Variants in SEC61B observed in about 807,000 individuals in gnomAD.
SEC61B encodes SEC61 translocon subunit beta.
SEC61B carries 7 observed loss-of-function variants against 12.6 expected under a neutral mutation model. The ratio of observed to expected loss-of-function variants is 0.55; its 90% CI spans 0.32 to 1.04. The LOEUF (loss-of-function observed/expected upper bound fraction) is 1.04, where lower values mean the gene tolerates loss of function less well. SEC61B is among the 50% of genes least tolerant of loss of function. The pLI, the probability that SEC61B is intolerant of heterozygous loss-of-function variation, is 0.05. For missense variants in SEC61B, 107 were observed against 130.1 expected (o/e 0.82, Z 0.86); for synonymous variants, 54 against 50.1 (o/e 1.08, Z -0.33).
intron 1 of SEC61B, 88 bp from the exon 2 acceptor site, chr9:99,222,458 C>A: frequency 1.2e-6 from 2 of 1,604,306 alleles, no homozygotes; most frequent in Non-Finnish European, 1.7e-6. Context: ...TCCCTTGCTT[C>A]CCCCAGCCTC....
At chr9:99,226,558 C>T (rs1214135093) in intron 2 of SEC61B, among the ~76,000 whole-genome samples, 2 of 152,162 alleles carry the variant, frequency 1.3e-5, no homozygotes, top group Non-Finnish European at 2.9e-5. Flanking sequence ...AGATAGGCTT[C>T]CCCTCTCCTC....
At chr9:99,222,405 G>T in intron 1 of SEC61B, 39 bp downstream of exon 1, 1 of 1,614,062 alleles carries the variant, frequency 6.2e-7, no homozygotes, top group South Asian at 1.1e-5. Context: ...TCTCCCAGAA[G>T]CCCTGACTCC....
rs747974338 is a variant in SEC61B, at chr9:99,222,561, A to G, written c.19A>G (p.Ser7Gly). ...CCCTCTACAGCCTGGTCCGACCCCC[A>G]GTGGCACTAACGTGGGATCCTCAGG... The part of the protein sequence containing the change: MPGPTP[S>G]GTNVGSSGRS... Residue 7 changes from serine to glycine, a missense_variant, in exon 2 of 4, where the codon AGT becomes GGT. Transcript: ENST00000223641. The G allele has an allele frequency of 1.3e-6, 2 of 1,576,894 alleles. No homozygotes were observed. The highest frequency in any genetic ancestry group is 1.7e-4 in the Middle Eastern group (1 of 6,024).
chr9:99,223,910 A>T (rs1828866782), intron 2 of SEC61B, among the ~76,000 whole-genome samples: 1 of 152,208 alleles, frequency 6.6e-6, no homozygotes, highest in Admixed American at 6.5e-5. Flanking sequence ...TCATATCATT[A>T]TAAGACCAGT....
chr9:99,225,325 G>T (rs1405733113), intron 2 of SEC61B, among the ~76,000 whole-genome samples: 1 of 152,184 alleles, frequency 6.6e-6, no homozygotes, highest in Non-Finnish European at 1.5e-5. Flanking sequence ...TGGGGATAGG[G>T]CAAAGGTAGG....
At chr9:99,225,788 C>T (rs886105288) in intron 2 of SEC61B, among the ~76,000 whole-genome samples, 9 of 152,196 alleles carry the variant, frequency 5.9e-5, no homozygotes, top group Admixed American at 3.9e-4. Flanking sequence ...AGAAGCCAGC[C>T]TGACTCCTCT....
At chr9:99,226,329 A>G (rs1192313206) in intron 2 of SEC61B, among the ~76,000 whole-genome samples, 1 of 152,172 alleles carries the variant, frequency 6.6e-6, no homozygotes, top group Admixed American at 6.5e-5. Flanking sequence ...CTGCATTCAG[A>G]ATGTGGAGTA....
intron 2 of SEC61B, among the ~76,000 whole-genome samples, chr9:99,224,493 G>A (rs1409714581): frequency 2.0e-5 from 3 of 152,058 alleles, no homozygotes; most frequent in Non-Finnish European, 4.4e-5. Flanking sequence ...AATTTGTAAA[G>A]AAATAAAAGA....
chr9:99,222,510 G>T, intron 1 of SEC61B, 36 bp from the exon 2 acceptor site: 1 of 1,601,592 alleles, frequency 6.2e-7, no homozygotes, highest in Non-Finnish European at 8.5e-7. Context: ...CAGGCCTGCC[G>T]CGCTCACCCG....
Position 99,222,537 on chromosome 9 carries a change from C to T in SEC61B, c.4-9C>T, listed in dbSNP as rs1425678060. ...GCTCACCCGTCTGTCTGCTTGTCTC[C>T]CTCTACAGCCTGGTCCGACCCCCAG... On this transcript the variant is annotated splice_polypyrimidine_tract_variant and intron_variant, in intron 1 of 3. Transcript: ENST00000223641. The T allele has an allele frequency of 1.1e-5, 17 of 1,594,550 alleles. No individual in the cohort carries two copies. The highest frequency in any genetic ancestry group is 2.3e-5 in the East Asian group (1 of 43,842).
At chr9:99,222,445 A>G in intron 1 of SEC61B, 79 bp downstream of exon 1, 1 of 1,609,700 alleles carries the variant, frequency 6.2e-7, no homozygotes, top group Non-Finnish European at 8.5e-7. Flanking sequence ...TTTCCTCTGT[A>G]GCTCCCTTGC....
intron 2 of SEC61B, among the ~76,000 whole-genome samples, chr9:99,225,904 A>G (rs533166677): frequency 6.6e-6 from 1 of 152,210 alleles, no homozygotes; most frequent in African/African-American, 2.4e-5. Flanking sequence ...GTCCATGACT[A>G]TAATATGTTC....
chr9:99,225,017 C>T (rs1020762179), intron 2 of SEC61B, among the ~76,000 whole-genome samples: 1 of 152,116 alleles, frequency 6.6e-6, no homozygotes, highest in Non-Finnish European at 1.5e-5. Flanking sequence ...AGCAATAATG[C>T]TTTATAAACT....
chr9:99,226,572 A>G (rs1249936256), intron 2 of SEC61B, among the ~76,000 whole-genome samples: 1 of 152,152 alleles, frequency 6.6e-6, no homozygotes, highest in Non-Finnish European at 1.5e-5. Flanking sequence ...TCTCCTCCCC[A>G]CTAGGACTTC....
At chr9:99,229,345 G>A (rs560984036) in intron 3 of SEC61B, among the ~76,000 whole-genome samples, 14 of 152,142 alleles carry the variant, frequency 9.2e-5, no homozygotes, top group East Asian at 5.8e-4. Context: ...CTCCTTTAGC[G>A]ACAGGGTTTT....
intron 1 of SEC61B, 71 bp downstream of exon 1, chr9:99,222,437 T>C: frequency 6.2e-7 from 1 of 1,611,636 alleles, no homozygotes; most frequent in Non-Finnish European, 8.5e-7. Context: ...GCCGTGCTTT[T>C]CCTCTGTAGC....
intron 2 of SEC61B, among the ~76,000 whole-genome samples, chr9:99,225,821 A>G (rs1588622698): frequency 3.3e-5 from 5 of 152,292 alleles, no homozygotes; most frequent in Admixed American, 3.3e-4. Flanking sequence ...ATTCCAGGAA[A>G]CTTTGAAGTC....
chr9:99,222,808 AT>A, intron 2 of SEC61B, 165 bp downstream of exon 2: 19 of 560,310 alleles, frequency 3.4e-5, no homozygotes, highest in South Asian at 4.8e-5. Flanking sequence ...GGAAGGCGAC[AT>A]TTTTTTTCTC....
At chr9:99,226,796 G>A (rs1291764046) in intron 2 of SEC61B, among the ~76,000 whole-genome samples, 2 of 152,174 alleles carry the variant, frequency 1.3e-5, no homozygotes, top group Non-Finnish European at 1.5e-5. Flanking sequence ...TTCCTTGGCA[G>A]CAGAGTCCTA....
Sources: allele counts gnomAD v4.1 joint callset (sites outside exome capture counted in the v4.1 genomes callset), GRCh38; gene constraint gnomAD v4.1.1; transcripts MANE v1.5; gene names NCBI Gene and HGNC (gene_info 2026-07-23, HGNC 2026-07-21).